TRPC7: variants seen among roughly 807,000 people sequenced by gnomAD.
The protein encoded by TRPC7 is short transient receptor potential channel 7.
In TRPC7, 42 loss-of-function variants were observed where a neutral mutation model predicts 90.1. The observed-to-expected ratio is 0.47, with a 90% CI of 0.36 to 0.60. The LOEUF (loss-of-function observed/expected upper bound fraction) is 0.60, where lower values mean the gene tolerates loss of function less well. Among genes scored for constraint, TRPC7 ranks in the 20% least tolerant of loss-of-function variants. The pLI is 0.00. For synonymous variants in TRPC7, 451 were observed against 436.3 expected (o/e 1.03, Z -0.42); for missense variants, 955 against 1,112.3 (o/e 0.86, Z 2.01).
chr5:136,303,371 C>T (rs1273303530), intron 3 of TRPC7, among the ~76,000 whole-genome samples: 5 of 152,144 alleles, frequency 3.3e-5, no homozygotes, highest in African/African-American at 1.2e-4. Context: ...AATTCCGGCC[C>T]TCAAACCCCA....
At chr5:136,296,609 T>G (rs1758181022) in intron 3 of TRPC7, among the ~76,000 whole-genome samples, 1 of 152,208 alleles carries the variant, frequency 6.6e-6, no homozygotes. Context: ...AATTTTTACA[T>G]TCTACTGCCA....
At chr5:136,363,455 G>A (rs1219797681) in intron 1 of TRPC7, among the ~76,000 whole-genome samples, 3 of 151,956 alleles carry the variant, frequency 2.0e-5, no homozygotes, top group Admixed American at 6.6e-5. Flanking sequence ...TAATTTGCTT[G>A]TACAACATAT....
chr5:136,339,692 C>T (rs186391770), intron 2 of TRPC7, among the ~76,000 whole-genome samples: 5 of 152,204 alleles, frequency 3.3e-5, no homozygotes, highest in African/African-American at 1.2e-4. Flanking sequence ...ATTTCATCCC[C>T]AACCTATCAG....
chr5:136,249,235 A>C (rs1024170028), intron 6 of TRPC7, among the ~76,000 whole-genome samples: 1 of 152,194 alleles, frequency 6.6e-6, no homozygotes, highest in East Asian at 1.9e-4. Context: ...GAAGGCTTTT[A>C]TTCTTTATTT....
At chr5:136,281,768 T>C (rs1424284343) in intron 3 of TRPC7, among the ~76,000 whole-genome samples, 1 of 151,874 alleles carries the variant, frequency 6.6e-6, no homozygotes, top group Non-Finnish European at 1.5e-5. Flanking sequence ...TCAAGGGAGG[T>C]TTCAAGGGTT....
intron 6 of TRPC7, among the ~76,000 whole-genome samples, chr5:136,249,336 G>A (rs1248118907): frequency 6.6e-6 from 1 of 152,164 alleles, no homozygotes; most frequent in African/African-American, 2.4e-5. Context: ...TTCATGGAGT[G>A]ATTCTAAATT....
intron 2 of TRPC7, among the ~76,000 whole-genome samples, chr5:136,349,040 A>G (rs561507096): frequency 6.6e-6 from 1 of 152,130 alleles, no homozygotes; most frequent in African/African-American, 2.4e-5. Flanking sequence ...ATTTTTCTCA[A>G]TTTTTTTATG....
intron 6 of TRPC7, among the ~76,000 whole-genome samples, chr5:136,248,074 C>T (rs574375675): frequency 6.6e-6 from 1 of 152,326 alleles, no homozygotes; most frequent in East Asian, 1.9e-4. Context: ...TCATTGTATC[C>T]TGTACACCCT....
chr5:136,356,985 G>A lies in TRPC7; in HGVS notation c.403C>T (p.Gln135Ter). Residue 135 changes from glutamine to a stop codon, truncating the protein, a stop_gained, in exon 2 of 12, where the codon CAG becomes TAG. Transcript: ENST00000513104. LOFTEE classifies it high-confidence loss of function. ...TCCAGCGGGCTGAGCGTCAGGCGCT[G>A]GCCCTGCGCGAAGGCCGGGTGGTTG... ...ILNHPAFAQG[Q>*]RLTLSPLEQE... The A allele has an allele frequency of 6.2e-7, 1 of 1,612,466 alleles. No homozygotes were observed. The highest frequency in any genetic ancestry group is 8.5e-7 in the Non-Finnish European group (1 of 1,179,776).
intron 2 of TRPC7, among the ~76,000 whole-genome samples, chr5:136,348,154 C>T (rs761876170): frequency 3.3e-5 from 5 of 152,332 alleles, no homozygotes; most frequent in Admixed American, 2.0e-4. Context: ...GTCACTCACT[C>T]ACTTGCTGAA....
intron 1 of TRPC7, among the ~76,000 whole-genome samples, chr5:136,359,519 C>T (rs1760495631): frequency 6.6e-6 from 1 of 152,030 alleles, no homozygotes; most frequent in Admixed American, 6.6e-5. Flanking sequence ...CCTTCTGAGC[C>T]CATTCCTTTC....
At chr5:136,221,042 T>TAGATATAGAAAATAGATAC (rs1440744804) in intron 10 of TRPC7, among the ~76,000 whole-genome samples, 2 of 152,022 alleles carry the variant, frequency 1.3e-5, no homozygotes, top group Non-Finnish European at 2.9e-5. Flanking sequence ...AAAATAGATA[T>TAGATATAGAAAATAGATAC]AGAAAAGATG....
intron 3 of TRPC7, among the ~76,000 whole-genome samples, chr5:136,294,163 T>C (rs1185259271): frequency 6.6e-6 from 1 of 152,188 alleles, no homozygotes; most frequent in Non-Finnish European, 1.5e-5. Flanking sequence ...AAGACTTAAA[T>C]GTTAGGCCTA....
intron 2 of TRPC7, among the ~76,000 whole-genome samples, chr5:136,328,171 A>T (rs1458082752): frequency 6.6e-6 from 1 of 152,160 alleles, no homozygotes; most frequent in African/African-American, 2.4e-5. Flanking sequence ...TAGTGCAGAG[A>T]CCGACAACAT....
At position 136,213,038 on chromosome 5, in the gene TRPC7, G is replaced by T. The variant is rs921955028; in HGVS notation, c.*397C>A. Among the ~76,000 whole-genome samples the T allele has an allele frequency of 6.6e-6, 1 of 152,156 alleles. No individual in the cohort carries two copies. Among genetic ancestry groups the T allele is most frequent in the Non-Finnish European group, 1.5e-5 (1 of 68,022 alleles). ...AGGGAGGGAGTGAGAAGGAGTTTGTGGGTTGAGGTGTTTGTCTTCCCAGGA... is the reference window on the plus strand; with the variant it reads ...AGGGAGGGAGTGAGAAGGAGTTTGTTGGTTGAGGTGTTTGTCTTCCCAGGA... On this transcript the variant is annotated 3_prime_UTR_variant, in exon 12 of 12. Coordinates refer to ENST00000513104, the MANE Select transcript of TRPC7 (RefSeq NM_020389.3).
At chr5:136,228,227 G>A (rs1755692864) in intron 8 of TRPC7, among the ~76,000 whole-genome samples, 1 of 152,130 alleles carries the variant, frequency 6.6e-6, no homozygotes, top group South Asian at 2.1e-4. Flanking sequence ...GGTCAGGGAA[G>A]GCTGGCTGGT....
rs145758261 is a variant in TRPC7, at chr5:136,268,725, T to A, written c.1129-2289A>T. On this transcript the variant is annotated intron_variant, in intron 4 of 11. Transcript: ENST00000513104. ...CTATAAACCATAATAAAAAGTCCTG[T>A]TAATGCCTTTTGGTGATTTGATGGA... is the stretch of plus-strand genomic sequence containing the variant. Among the ~76,000 whole-genome samples, 943 of 152,330 alleles carry A rather than the reference T, an allele frequency of 6.2e-3. 9 individuals are homozygous for A. Among genetic ancestry groups the A allele is most frequent in the African/African-American group, 0.021 (864 of 41,586 alleles).
At chr5:136,359,165 C>T (rs908872798) in intron 1 of TRPC7, among the ~76,000 whole-genome samples, 1 of 152,160 alleles carries the variant, frequency 6.6e-6, no homozygotes, top group Non-Finnish European at 1.5e-5. Context: ...TTGTACCTTT[C>T]GACCTGCTCA....
chr5:136,344,650 G>A (rs776354838), intron 2 of TRPC7, among the ~76,000 whole-genome samples: 22 of 152,116 alleles, frequency 1.4e-4, no homozygotes, highest in Non-Finnish European at 2.8e-4. Flanking sequence ...AGACTAGGGT[G>A]GGTCTTCTGG....
Sources: gnomAD v4.1 joint callset for allele counts (sites outside exome capture counted in the v4.1 genomes callset) on GRCh38, gnomAD v4.1.1 for gene constraint, MANE v1.5 for transcripts, NCBI Gene and HGNC (gene_info 2026-07-23, HGNC 2026-07-21) for gene names.